Variants in CBLB observed in about 807,000 individuals in gnomAD.
CBLB encodes the protein E3 ubiquitin-protein ligase CBL-B.
A neutral mutation model predicts 104.9 loss-of-function variants in CBLB; 31 were observed. That is an observed-to-expected ratio of 0.30 (90% CI 0.22 to 0.40). CBLB has a LOEUF of 0.40. Among genes scored for constraint, CBLB ranks in the 10% least tolerant of loss-of-function variants. The probability of loss-of-function intolerance (pLI) is 1.00; values close to 1 mark genes in which losing one functional copy is unlikely to be tolerated. For synonymous variants in CBLB, 440 were observed against 422.6 expected, an observed-to-expected ratio of 1.04 and a Z score of -0.51; for missense variants, 1,062 against 1,214.6, an observed-to-expected ratio of 0.87 and a Z score of 1.87.
chr3:105,835,725 T>C (rs1445562442), intron 3 of CBLB, among the ~76,000 whole-genome samples: 1 of 152,200 alleles, frequency 6.6e-6, no homozygotes, highest in African/African-American at 2.4e-5. Flanking sequence ...ATTAAAATTC[T>C]TGACAGCAGT....
intron 13 of CBLB, among the ~76,000 whole-genome samples, chr3:105,685,737 A>G (rs946225541): frequency 1.3e-5 from 2 of 152,234 alleles, no homozygotes; most frequent in Non-Finnish European, 2.9e-5. Flanking sequence ...AATAAAATAA[A>G]AAGATGTTGG....
chr3:105,812,972 T>C (rs1164981908), intron 3 of CBLB, among the ~76,000 whole-genome samples: 1 of 152,168 alleles, frequency 6.6e-6, no homozygotes, highest in African/African-American at 2.4e-5. Flanking sequence ...TATTTATGTC[T>C]CAGTGCTACT....
chr3:105,818,650 T>C (rs1011993332), intron 3 of CBLB, among the ~76,000 whole-genome samples: 5 of 152,132 alleles, frequency 3.3e-5, no homozygotes, highest in African/African-American at 1.2e-4. Context: ...ATATTACCAC[T>C]GAATCTAATG....
chr3:105,804,653 A>C (rs964071281), intron 3 of CBLB, among the ~76,000 whole-genome samples: 9 of 151,860 alleles, frequency 5.9e-5, no homozygotes, highest in Non-Finnish European at 1.0e-4. Context: ...TTTTATGTTA[A>C]TATTAACATA....
rs2069255100 is a variant in CBLB, at chr3:105,702,277, TGC to T, written c.1774_1775del (p.Ala592MetfsTer10). ...PSRDPPMPLEAWCPRDVFGTN... is the reference protein window; with the variant it reads ...PSRDPPMPLEXWCPRDVFGTN... ...TCCCAAACACATCCCGAGGGCACCA[TGC>T]TTCAAGAGGCATTGGCGGGTCTCTG... On this transcript the variant is annotated frameshift_variant, in exon 12 of 19. Coordinates refer to ENST00000394030, the MANE Select transcript of CBLB (RefSeq NM_170662.5). LOFTEE classifies it high-confidence loss of function. The T allele has an allele frequency of 6.2e-7, 1 of 1,613,870 alleles. No individual in the cohort carries two copies. The highest frequency in any genetic ancestry group is 8.5e-7 in the Non-Finnish European group (1 of 1,179,992).
intron 5 of CBLB, among the ~76,000 whole-genome samples, chr3:105,750,713 T>A (rs889882007): frequency 6.6e-6 from 1 of 152,196 alleles, no homozygotes; most frequent in Non-Finnish European, 1.5e-5. Flanking sequence ...ATAGTATCCA[T>A]ATAATGCTAC....
intron 17 of CBLB, among the ~76,000 whole-genome samples, chr3:105,675,291 C>T (rs1401537884): frequency 6.6e-6 from 1 of 152,136 alleles, no homozygotes; most frequent in Non-Finnish European, 1.5e-5. Flanking sequence ...ATTTTGCAGT[C>T]CCTTTTATTT....
At chr3:105,810,874 C>T (rs969305002) in intron 3 of CBLB, among the ~76,000 whole-genome samples, 38 of 151,922 alleles carry the variant, frequency 2.5e-4, no homozygotes, top group Admixed American at 2.4e-3. Flanking sequence ...AATTTTAGAC[C>T]GTAAGTACTT....
At chr3:105,842,914 T>C (rs1015762201) in intron 3 of CBLB, among the ~76,000 whole-genome samples, 3 of 152,226 alleles carry the variant, frequency 2.0e-5, no homozygotes, top group African/African-American at 7.2e-5. Context: ...ATATGATGGA[T>C]TGGTGTTGAT....
intron 4 of CBLB, among the ~76,000 whole-genome samples, chr3:105,771,868 T>C (rs1383555264): frequency 1.3e-5 from 2 of 151,982 alleles, no homozygotes; most frequent in Non-Finnish European, 2.9e-5. Context: ...TACAAAACAC[T>C]GAAACACAGA....
intron 3 of CBLB, among the ~76,000 whole-genome samples, chr3:105,823,016 G>A (rs896716597): frequency 2.6e-5 from 4 of 152,078 alleles, no homozygotes; most frequent in South Asian, 2.1e-4. Flanking sequence ...TATAGAATCC[G>A]TTCAATGCCC....
At chr3:105,740,677 AT>A in intron 6 of CBLB, 46 bp from the exon 7 acceptor site, 1 of 1,506,046 alleles carries the variant, frequency 6.6e-7, no homozygotes, top group Non-Finnish European at 9.2e-7. Context: ...CAGAATATAA[AT>A]CAATACTAAA....
At position 105,665,412 on chromosome 3, in the gene CBLB, A is replaced by ATATATAT. The variant is rs1559734328; in HGVS notation, c.2689+4820_2689+4821insATATATA. Among the ~76,000 whole-genome samples the ATATATAT allele has an allele frequency of 5.5e-4, 41 of 74,748 alleles. No homozygotes were observed. The East Asian group carries it at 9.6e-3, about 18-fold the overall frequency. 49.0% of individuals were successfully genotyped at this position (74,748 alleles called of 152,430 possible). On this transcript the variant is annotated intron_variant, in intron 18 of 18. Coordinates refer to ENST00000394030, the MANE Select transcript of CBLB (RefSeq NM_170662.5). ...AAAAAAATAAATAAATAAATAAATA[A>ATATATAT]ATAAATATATATATATATATATATA... is the stretch of plus-strand genomic sequence containing the variant.
At chr3:105,768,987 C>T (rs1430179504) in intron 4 of CBLB, among the ~76,000 whole-genome samples, 4 of 152,138 alleles carry the variant, frequency 2.6e-5, no homozygotes, top group African/African-American at 4.8e-5. Context: ...GGATAGACAT[C>T]GTCCATCTAT....
intron 4 of CBLB, among the ~76,000 whole-genome samples, chr3:105,754,710 A>G (rs777549291): frequency 6.6e-6 from 1 of 151,710 alleles, no homozygotes; most frequent in Non-Finnish European, 1.5e-5. Context: ...GTCAATCTAC[A>G]AAGAATAGAA....
intron 4 of CBLB, among the ~76,000 whole-genome samples, chr3:105,772,338 G>T (rs1204579463): frequency 6.6e-6 from 1 of 152,116 alleles, no homozygotes; most frequent in Admixed American, 6.5e-5. Flanking sequence ...AATGAAACTG[G>T]ATCCCCATCT....
chr3:105,728,545 C>A (rs2073951847), intron 9 of CBLB, among the ~76,000 whole-genome samples: 1 of 152,176 alleles, frequency 6.6e-6, no homozygotes, highest in Non-Finnish European at 1.5e-5. Flanking sequence ...GCATAATATA[C>A]TACCTCACAA....
At chr3:105,753,559 T>C (rs989701347) in intron 4 of CBLB, among the ~76,000 whole-genome samples, 1 of 151,996 alleles carries the variant, frequency 6.6e-6, no homozygotes, top group Non-Finnish European at 1.5e-5. Context: ...ATCATGATAC[T>C]CAGAGTAAAA....
chr3:105,869,257 G>C (rs1445125432), upstream of CBLB: 6 of 744,674 alleles, frequency 8.1e-6, no homozygotes, highest in African/African-American at 1.8e-5. Context: ...AGAGAAATGA[G>C]GGGCCTGGAC....
Sources: allele counts gnomAD v4.1 joint callset (sites outside exome capture counted in the v4.1 genomes callset), GRCh38; gene constraint gnomAD v4.1.1; transcripts MANE v1.5; gene names NCBI Gene and HGNC (gene_info 2026-07-23, HGNC 2026-07-21).